IGSF11: variants seen among roughly 807,000 people sequenced by gnomAD.
IGSF11 encodes immunoglobulin superfamily member 11, also known as CXADR like 1.
IGSF11 carries 22 observed loss-of-function variants against 41.0 expected under a neutral mutation model. That is an observed-to-expected ratio of 0.54 (90% CI 0.38 to 0.77). The LOEUF is 0.77. Among genes scored for constraint, IGSF11 ranks in the 30% least tolerant of loss-of-function variants. The pLI is 0.00. For synonymous variants in IGSF11, 219 were observed against 201.3 expected, an observed-to-expected ratio of 1.09 and a Z score of -0.74; for missense variants, 444 against 530.8, an observed-to-expected ratio of 0.84 and a Z score of 1.61.
chr3:118,908,526 T>C (rs188593078), intron 4 of IGSF11, among the ~76,000 whole-genome samples: 64 of 152,356 alleles, frequency 4.2e-4, no homozygotes, highest in South Asian at 1.2e-3. Context: ...AATTCTGCCA[T>C]CTGTCATTTC....
At chr3:119,081,759 T>C (rs549592998) in intron 1 of IGSF11, among the ~76,000 whole-genome samples, 1 of 152,300 alleles carries the variant, frequency 6.6e-6, no homozygotes, top group Non-Finnish European at 1.5e-5. Context: ...TTGTGAATGG[T>C]AGGTAGGAAG....
At chr3:118,911,172 TAC>T (rs141949162) in intron 4 of IGSF11, among the ~76,000 whole-genome samples, 4,048 of 152,008 alleles carry the variant, frequency 0.027, 159 homozygotes, top group African/African-American at 0.092. Flanking sequence ...CACAAATTAA[TAC>T]AGTTATAACT....
chr3:119,083,504 TCACACACA>T (rs58353612), intron 1 of IGSF11, among the ~76,000 whole-genome samples: 11,830 of 148,588 alleles, frequency 0.08, 958 homozygotes, highest in African/African-American at 0.2. Context: ...ACCACAAAGA[TCACACACA>T]CACACACACA....
At chr3:119,083,186 G>A (rs2076612363) in intron 1 of IGSF11, among the ~76,000 whole-genome samples, 2 of 146,068 alleles carry the variant, frequency 1.4e-5, no homozygotes, top group South Asian at 2.1e-4. Flanking sequence ...AGGGTGGAGT[G>A]CAGTGGCATG....
chr3:119,123,885 AG>A (rs2077365757), intron 1 of IGSF11, among the ~76,000 whole-genome samples: 1 of 152,234 alleles, frequency 6.6e-6, no homozygotes, highest in African/African-American at 2.4e-5. Context: ...CTTTCTGAAA[AG>A]GATGGGTACA....
intron 1 of IGSF11, among the ~76,000 whole-genome samples, chr3:119,057,511 T>C (rs1446756295): frequency 1.3e-5 from 2 of 152,174 alleles, no homozygotes; most frequent in South Asian, 2.1e-4. Flanking sequence ...TGCTCATGGG[T>C]AGGAAGAATT....
chr3:118,911,828 G>A (rs578084859), intron 4 of IGSF11, among the ~76,000 whole-genome samples: 1 of 151,988 alleles, frequency 6.6e-6, no homozygotes, highest in Non-Finnish European at 1.5e-5. Flanking sequence ...GGCAAACCTG[G>A]TCTCTTCTAG....
chr3:118,904,162 CTT>C (rs1218414661), intron 6 of IGSF11, among the ~76,000 whole-genome samples: 1 of 152,184 alleles, frequency 6.6e-6, no homozygotes, highest in Non-Finnish European at 1.5e-5. Context: ...ACTAGAGTCA[CTT>C]TTCTTTAAAG....
In IGSF11 at chr3:119,097,153, A is replaced by ATGTCT. The variant is rs367996726; in HGVS notation, c.49+7990_49+7991insAGACA. Among the ~76,000 whole-genome samples the ATGTCT allele has an allele frequency of 2.8e-3, 431 of 152,250 alleles. 1 individual carries two copies. Among genetic ancestry groups the ATGTCT allele is most frequent in the African/African-American group, 9.7e-3 (401 of 41,528 alleles). ...CCTTTGGCCATGTAACGACATTTAC[A>ATGTCT]AGCTCCACGACTAGAATGCAGACAT... On this transcript the variant is annotated intron_variant, in intron 1 of 6. Transcript: ENST00000354673.
chr3:118,987,311 G>C (rs1324454787), intron 1 of IGSF11, among the ~76,000 whole-genome samples: 1 of 152,174 alleles, frequency 6.6e-6, no homozygotes, highest in Admixed American at 6.5e-5. Flanking sequence ...TCTCCTCCAG[G>C]AAATGGGTGA....
intron 1 of IGSF11, among the ~76,000 whole-genome samples, chr3:119,020,727 C>G (rs1388004965): frequency 6.6e-6 from 1 of 152,168 alleles, no homozygotes; most frequent in Non-Finnish European, 1.5e-5. Context: ...GGGATAAATA[C>G]CAGGCAGGCA....
rs1055065153 is a variant in IGSF11, at chr3:118,978,244, T to C, written c.53-47969A>G. Among the ~76,000 whole-genome samples, 5 of 152,224 alleles carry C rather than the reference T, an allele frequency of 3.3e-5. 1 individual carries two copies. Among genetic ancestry groups the C allele is most frequent in the East Asian group, 1.9e-4 (1 of 5,176 alleles). ...AGGATCAGGTCCACTCAACCTGCTATTACCACCAGAGCCGGCACCCACCCC... is the reference window on the plus strand; with the variant it reads ...AGGATCAGGTCCACTCAACCTGCTACTACCACCAGAGCCGGCACCCACCCC... On this transcript the variant is annotated intron_variant, in intron 1 of 6. Coordinates refer to ENST00000393775, the MANE Select transcript of IGSF11 (RefSeq NM_001015887.3).
intron 1 of IGSF11, among the ~76,000 whole-genome samples, chr3:119,133,257 CA>C (rs1442986684): frequency 6.6e-6 from 1 of 152,016 alleles, no homozygotes; most frequent in Non-Finnish European, 1.5e-5. Flanking sequence ...AAAAACCCTT[CA>C]AAAAATCAAT....
At chr3:118,969,320 A>T (rs886262528) in intron 1 of IGSF11, among the ~76,000 whole-genome samples, 1 of 152,234 alleles carries the variant, frequency 6.6e-6, no homozygotes, top group Non-Finnish European at 1.5e-5. Flanking sequence ...AAAAAAGAGG[A>T]AGGAGACAGC....
At chr3:119,041,698 G>T (rs965665683) in intron 1 of IGSF11, among the ~76,000 whole-genome samples, 18 of 152,162 alleles carry the variant, frequency 1.2e-4, no homozygotes, top group African/African-American at 4.3e-4. Flanking sequence ...AAATTTGGAG[G>T]AAATGAGCAA....
At chr3:118,971,802 C>CA (rs11370113) in intron 1 of IGSF11, among the ~76,000 whole-genome samples, 25,459 of 88,648 alleles carry the variant, frequency 0.29, 2,788 homozygotes, top group South Asian at 0.42. Context: ...GACTCCGTCT[C>CA]AAAAAAAAAA....
chr3:119,037,935 G>A (rs1390448423), upstream of IGSF11, among the ~76,000 whole-genome samples: 4 of 152,022 alleles, frequency 2.6e-5, no homozygotes, highest in Non-Finnish European at 5.9e-5. Flanking sequence ...TTAAGTTTTG[G>A]TCTGTATTTG....
chr3:119,099,847 A>T (rs74364636), intron 1 of IGSF11, among the ~76,000 whole-genome samples: 4,485 of 152,266 alleles, frequency 0.029, 207 homozygotes, highest in African/African-American at 0.1. Flanking sequence ...TCCACTGGGG[A>T]TACATTCCAA....
At position 119,141,042 on chromosome 3, in the gene IGSF11, T is replaced by TAAAA. The variant is rs35323898; in HGVS notation, c.-14+4767_-14+4770dup. The stretch of plus-strand genomic sequence containing the variant: ...TGGGCCACAGGAGACTCTGTCTCAT[T>TAAAA]AAAAAAAAAAAAAAAAAAATACAAA... On this transcript the variant is annotated intron_variant, in intron 1 of 7. Transcript: ENST00000425327. 6.3e-3 allele frequency among the ~76,000 whole-genome samples: 625 copies of TAAAA among 99,738 alleles called. 10 individuals carry two copies. The highest frequency in any genetic ancestry group is 0.062 in the East Asian group (217 of 3,514). 65.4% of individuals were successfully genotyped at this position (99,738 alleles called of 152,430 possible).
Sources: allele counts gnomAD v4.1 joint callset (sites outside exome capture counted in the v4.1 genomes callset), GRCh38; gene constraint gnomAD v4.1.1; transcripts MANE v1.5; gene names NCBI Gene and HGNC (gene_info 2026-07-23, HGNC 2026-07-21).